The following SPMIP9 variants were observed in gnomAD, a reference collection of about 807,000 sequenced individuals.
The protein encoded by SPMIP9 is sperm microtubule inner protein 9.
the SPMIP9 span, chr2:88,529,337 G>A: frequency 4.1e-5 from 66 of 1,614,022 alleles, no homozygotes; most frequent in Non-Finnish European, 5.0e-5. Context: ...TCCGTGCCTC[G>A]TGGATCCCAA....
chr2:88,526,961 C>T, the SPMIP9 span, among the ~76,000 whole-genome samples: 4 of 152,140 alleles, frequency 2.6e-5, no homozygotes, highest in South Asian at 4.2e-4. Flanking sequence ...CCACCGTGGC[C>T]GGCCATGTGT....
chr2:88,525,685 G>A, the SPMIP9 span: 1 of 1,614,162 alleles, frequency 6.2e-7, no homozygotes, highest in African/African-American at 1.3e-5. Context: ...AGTGATGTGG[G>A]TTTCTGTCCC....
chr2:88,528,547 G>A, the SPMIP9 span, among the ~76,000 whole-genome samples: 130 of 152,308 alleles, frequency 8.5e-4, no homozygotes, highest in Non-Finnish European at 1.2e-3. Flanking sequence ...TGTTAATATA[G>A]TTAGATTTAT....
At chr2:88,528,987 C>T in the SPMIP9 span, 3 of 1,524,764 alleles carry the variant, frequency 2.0e-6, no homozygotes, top group South Asian at 1.3e-5. Context: ...TGGATGCTTC[C>T]AAGAAAAGCT....
chr2:88,526,754 G>C, the SPMIP9 span, among the ~76,000 whole-genome samples: 6,573 of 151,818 alleles, frequency 0.043, 183 homozygotes, highest in Non-Finnish European at 0.055. Context: ...AACCTCTGCC[G>C]CCTGCCTGGA....
At chr2:88,526,537 T>C in the SPMIP9 span, 3 of 1,466,960 alleles carry the variant, frequency 2.0e-6, no homozygotes, top group Non-Finnish European at 2.9e-6. Flanking sequence ...ATCAACTGCC[T>C]ACTGAAATCC....
the SPMIP9 span, chr2:88,524,772 A>G: frequency 6.6e-6 from 1 of 152,346 alleles, no homozygotes. Context: ...GCCCTAGGAG[A>G]GAAGCTGTCT....
the SPMIP9 span, chr2:88,529,069 T>C: frequency 3.7e-6 from 6 of 1,612,488 alleles, no homozygotes; most frequent in Middle Eastern, 3.3e-4. Flanking sequence ...AGCTCGATGC[T>C]CAACTCCGGG....
the SPMIP9 span, chr2:88,529,459 G>T: frequency 6.2e-7 from 1 of 1,612,560 alleles, no homozygotes; most frequent in Non-Finnish European, 8.5e-7. Flanking sequence ...GACCCTTGAT[G>T]CCATTTTACC....
At chr2:88,529,408 TC>T in the SPMIP9 span, 1 of 1,614,052 alleles carries the variant, frequency 6.2e-7, no homozygotes, top group Non-Finnish European at 8.5e-7. Flanking sequence ...GTCCCTGTCT[TC>T]ATTGCCATAT....
At chr2:88,528,971 C>T in the SPMIP9 span, 1 of 1,400,626 alleles carries the variant, frequency 7.1e-7, no homozygotes, top group Non-Finnish European at 9.7e-7. Context: ...AGGGTGTGCT[C>T]TGTCTTGGAT....
At chr2:88,525,708 C>A in the SPMIP9 span, 1 of 1,613,340 alleles carries the variant, frequency 6.2e-7, no homozygotes, top group South Asian at 1.1e-5. Context: ...GTGACGGTCT[C>A]AGGGTTGGGT....
chr2:88,526,961 C>CGG, the SPMIP9 span, among the ~76,000 whole-genome samples: 623 of 152,140 alleles, frequency 4.1e-3, 2 homozygotes, highest in Middle Eastern at 0.02. Context: ...CCACCGTGGC[C>CGG]GGCCATGTGT....
the SPMIP9 span, chr2:88,528,979 G>T: frequency 2.8e-4 from 419 of 1,487,020 alleles, 2 homozygotes; most frequent in African/African-American, 5.2e-3. Context: ...CTCTGTCTTG[G>T]ATGCTTCCAA....
At chr2:88,525,504 G>A in the SPMIP9 span, 1 of 905,542 alleles carries the variant, frequency 1.1e-6, no homozygotes, top group South Asian at 1.4e-5. Flanking sequence ...TGCAGGGTAG[G>A]AGCCCAGGGA....
chr2:88,527,672 C>G, the SPMIP9 span, among the ~76,000 whole-genome samples: 1 of 152,102 alleles, frequency 6.6e-6, no homozygotes, highest in Admixed American at 6.6e-5. Context: ...GTATCTGTCT[C>G]TTCTTATTGG....
the SPMIP9 span, chr2:88,525,586 C>CT: frequency 6.2e-7 from 1 of 1,609,654 alleles, no homozygotes; most frequent in Non-Finnish European, 8.5e-7. Flanking sequence ...ATAGTGGCTA[C>CT]TTTCCTTGTC....
At chr2:88,528,612 G>A in the SPMIP9 span, among the ~76,000 whole-genome samples, 6 of 151,770 alleles carry the variant, frequency 4.0e-5, no homozygotes, top group South Asian at 4.2e-4. Context: ...ATCTTCTCCC[G>A]TCCTGAGGTT....
chr2:88,529,377 G>A, the SPMIP9 span: 1 of 1,614,118 alleles, frequency 6.2e-7, no homozygotes, highest in South Asian at 1.1e-5. Flanking sequence ...ATGGCCAAAG[G>A]CTACCTGCTA....
Sources: gnomAD v4.1 joint callset for allele counts (sites outside exome capture counted in the v4.1 genomes callset) on GRCh38, gnomAD v4.1.1 for gene constraint, MANE v1.5 for transcripts, NCBI Gene and HGNC (gene_info 2026-07-23, HGNC 2026-07-21) for gene names.